PCDHA7: variants seen among roughly 807,000 people sequenced by gnomAD.
The protein encoded by PCDHA7 is protocadherin alpha 7, also known as protocadherin alpha-7.
In PCDHA7, 37 loss-of-function variants were observed where a neutral mutation model predicts 57.2. The observed-to-expected ratio is 0.65, with a 90% CI of 0.50 to 0.85. PCDHA7 has a LOEUF of 0.85. Among genes scored for constraint, PCDHA7 ranks in the 40% least tolerant of loss-of-function variants. PCDHA7 has a pLI of 0.00. For synonymous variants in PCDHA7, 553 were observed against 558.8 expected (o/e 0.99, Z 0.15); for missense variants, 1,188 against 1,241.8 (o/e 0.96, Z 0.65).
rs2094433165 is a variant in PCDHA7, at chr5:140,949,923, G to T, written c.2356-29026G>T. Among the ~76,000 whole-genome samples the T allele has an allele frequency of 2.7e-5, 4 of 150,516 alleles. No homozygotes were observed. In the South Asian group the frequency reaches 8.3e-4, roughly 31 times the overall value. On this transcript the variant is annotated intron_variant, in intron 1 of 3. Coordinates refer to ENST00000525929, the MANE Select transcript of PCDHA7 (RefSeq NM_018910.3). Reference sequence around the variant, plus strand: ...TAATTTTTAGATATAACTATTTTTAGATTTTTTTTAATTTGCATTTTTTAG... The same window carrying T: ...TAATTTTTAGATATAACTATTTTTATATTTTTTTTAATTTGCATTTTTTAG...
At chr5:140,952,885 A>G (rs1285549724) in intron 1 of PCDHA7, among the ~76,000 whole-genome samples, 1 of 152,174 alleles carries the variant, frequency 6.6e-6, no homozygotes, top group Non-Finnish European at 1.5e-5. Flanking sequence ...TCATGGTGGA[A>G]GGCAAAGGGG....
intron 1 of PCDHA7, among the ~76,000 whole-genome samples, chr5:140,917,286 C>T (rs155803): frequency 0.32 from 46,630 of 146,510 alleles, 7,654 homozygotes; most frequent in East Asian, 0.52. Context: ...GACGCTTTTC[C>T]GTGTGCAGAT....
intron 1 of PCDHA7, chr5:140,849,822 G>A: frequency 6.3e-7 from 1 of 1,598,624 alleles, no homozygotes; most frequent in East Asian, 2.2e-5. Context: ...CAGGGTGTCT[G>A]TGGAGGTGGC....
chr5:140,883,433 T>G lies in PCDHA7; in HGVS notation c.2355+46695T>G, dbSNP rs201972709. 38 of 1,614,170 alleles carry G rather than the reference T, an allele frequency of 2.4e-5. No individual in the cohort carries two copies. In the East Asian group the frequency reaches 7.8e-4, roughly 33 times the overall value. ...CTCAAATGGACAGGTCACCTGCACC[T>G]TGACGCCGCATGTCCCCTTCAAGCT... On this transcript the variant is annotated intron_variant, in intron 1 of 3. Transcript: ENST00000525929.
intron 1 of PCDHA7, chr5:140,928,805 T>C (rs1554206331): frequency 6.2e-7 from 1 of 1,614,162 alleles, no homozygotes. Context: ...GTGGTAGTGG[T>C]TCGGGACCAT....
At chr5:140,844,817 G>C (rs1468939378) in intron 1 of PCDHA7, among the ~76,000 whole-genome samples, 1 of 148,814 alleles carries the variant, frequency 6.7e-6, no homozygotes. Flanking sequence ...ATTTCTTCTT[G>C]TCTTTTTACA....
At chr5:140,968,467 A>G (rs2153771249) in intron 1 of PCDHA7, 1 of 1,614,124 alleles carries the variant, frequency 6.2e-7, no homozygotes, top group Non-Finnish European at 8.5e-7. Flanking sequence ...CTGCCAACGT[A>G]TATGTGGTGG....
chr5:140,883,640 C>T (rs143631680), intron 1 of PCDHA7: 5 of 1,613,958 alleles, frequency 3.1e-6, no homozygotes, highest in Non-Finnish European at 4.2e-6. Context: ...GTTCGCGCAG[C>T]CCGAGTACAC....
intron 1 of PCDHA7, among the ~76,000 whole-genome samples, chr5:140,946,255 A>C (rs1554217419): frequency 6.6e-6 from 1 of 152,084 alleles, no homozygotes; most frequent in Non-Finnish European, 1.5e-5. Context: ...GAATCATCAG[A>C]AAAATGCGAA....
intron 1 of PCDHA7, chr5:140,877,927 A>C: frequency 7.1e-7 from 1 of 1,416,192 alleles, no homozygotes; most frequent in South Asian, 1.6e-5. Flanking sequence ...TTTCTTTATG[A>C]TTCTATCCTT....
chr5:140,981,883 C>T (rs1488792007), intron 2 of PCDHA7, among the ~76,000 whole-genome samples: 1 of 152,146 alleles, frequency 6.6e-6, no homozygotes, highest in Non-Finnish European at 1.5e-5. Context: ...GAATTAATCT[C>T]TTCTGAGCGG....
At chr5:140,941,347 T>G (rs246069) in intron 1 of PCDHA7, among the ~76,000 whole-genome samples, 2 of 130,422 alleles carry the variant, frequency 1.5e-5, no homozygotes, top group African/African-American at 5.9e-5. Context: ...GATGGAGTCT[T>G]GCTCTGTTGC....
intron 1 of PCDHA7, 81 bp from the exon 2 acceptor site, chr5:140,978,868 G>A: frequency 6.2e-7 from 1 of 1,606,078 alleles, no homozygotes; most frequent in Non-Finnish European, 8.5e-7. Context: ...ATATTTAAGG[G>A]AGTAACTAAT....
rs782052342 is a variant in PCDHA7, at chr5:140,927,029, C to T, written c.2356-51920C>T. On this transcript the variant is annotated intron_variant, in intron 1 of 3. Transcript: ENST00000525929. ...AATCTCTCCGCGGACTTGAGGCTGC[C>T]AGCGGCCGCTATGTCCTCGCGGAAC... 1.9e-6 allele frequency: 3 copies of T among 1,612,358 alleles called. No homozygotes were observed. In the South Asian group the frequency reaches 3.3e-5, roughly 18 times the overall value.
At chr5:140,946,893 A>T (rs1233227457) in intron 1 of PCDHA7, among the ~76,000 whole-genome samples, 1 of 151,482 alleles carries the variant, frequency 6.6e-6, no homozygotes, top group African/African-American at 2.4e-5. Context: ...TTACAATTAG[A>T]TAGGAAGAAT....
chr5:140,918,496 A>G lies in PCDHA7; in HGVS notation c.2356-60453A>G, dbSNP rs79827125. Among the ~76,000 whole-genome samples the G allele has an allele frequency of 8.0e-3, 1,215 of 152,276 alleles. 6 individuals are homozygous for G. Among genetic ancestry groups the G allele is most frequent in the African/African-American group, 0.019 (784 of 41,558 alleles). On this transcript the variant is annotated intron_variant, in intron 1 of 3. Transcript: ENST00000525929. ...TCTCAAGGGGAATGCTTTGGATGGT[A>G]CCAATCCTTTTAAACTTATTGAGGA...
chr5:140,993,949 T>C (rs1330727166), intron 3 of PCDHA7, among the ~76,000 whole-genome samples: 1 of 152,204 alleles, frequency 6.6e-6, no homozygotes, highest in Non-Finnish European at 1.5e-5. Flanking sequence ...TGTTAAGTGA[T>C]ACATGACTGT....
At chr5:140,927,956 C>G in intron 1 of PCDHA7, 1 of 1,614,224 alleles carries the variant, frequency 6.2e-7, no homozygotes. Flanking sequence ...GACGCTGCCC[C>G]TGGCACAGTG....
chr5:140,985,532 G>A (rs1358120172), intron 3 of PCDHA7, among the ~76,000 whole-genome samples: 2 of 152,190 alleles, frequency 1.3e-5, no homozygotes, highest in African/African-American at 4.8e-5. Context: ...AAAGCTTCAC[G>A]GTGAAGATGC....
Sources: gnomAD v4.1 joint callset for allele counts (sites outside exome capture counted in the v4.1 genomes callset) on GRCh38, gnomAD v4.1.1 for gene constraint, MANE v1.5 for transcripts, NCBI Gene and HGNC (gene_info 2026-07-23, HGNC 2026-07-21) for gene names.